Variants in PRRC2C observed in about 807,000 individuals in gnomAD.
The protein encoded by PRRC2C is proline rich coiled-coil 2C, also known as protein PRRC2C.
Under a neutral mutation model 317.2 loss-of-function variants are expected in PRRC2C, and 72 were observed. The ratio of observed to expected loss-of-function variants is 0.23; its 90% CI spans 0.19 to 0.28. PRRC2C has a LOEUF of 0.28. Among genes scored for constraint, PRRC2C ranks in the 10% least tolerant of loss-of-function variants. The pLI is 1.00. For synonymous variants in PRRC2C, 1,296 were observed against 1,205.9 expected (o/e 1.07, Z -1.55); for missense variants, 3,074 against 3,459.7 (o/e 0.89, Z 2.80).
intron 1 of PRRC2C, among the ~76,000 whole-genome samples, chr1:171,494,850 C>G (rs535763847): frequency 2.0e-5 from 3 of 151,804 alleles, no homozygotes; most frequent in South Asian, 4.2e-4. Flanking sequence ...AAACAAAGCT[C>G]TGGGCCTGGG....
intron 23 of PRRC2C, among the ~76,000 whole-genome samples, chr1:171,570,044 C>T (rs963266536): frequency 5.9e-5 from 9 of 152,034 alleles, no homozygotes; most frequent in Non-Finnish European, 1.3e-4. Context: ...AGTCTGCATG[C>T]AGTTGTTAGC....
At chr1:171,518,006 C>G (rs577765686) in intron 6 of PRRC2C, among the ~76,000 whole-genome samples, 192 bp downstream of exon 6, 1 of 152,312 alleles carries the variant, frequency 6.6e-6, no homozygotes, top group African/African-American at 2.4e-5. Context: ...AGATAGAGAT[C>G]ATTTGGGCTA....
At chr1:171,523,189 T>C (rs1364971036) in intron 7 of PRRC2C, 32 bp from the exon 8 acceptor site, 2 of 1,566,964 alleles carry the variant, frequency 1.3e-6, no homozygotes, top group Admixed American at 2.1e-5. Flanking sequence ...TCATAAACTT[T>C]TGTATCTTTT....
chr1:171,568,601 A>T (rs1684123195), intron 23 of PRRC2C, among the ~76,000 whole-genome samples: 1 of 152,190 alleles, frequency 6.6e-6, no homozygotes, highest in African/African-American at 2.4e-5. Flanking sequence ...TGTAAATACT[A>T]ATCTTATTAA....
intron 5 of PRRC2C, among the ~76,000 whole-genome samples, chr1:171,516,556 GA>G (rs1672404942): frequency 6.6e-6 from 1 of 152,196 alleles, no homozygotes; most frequent in Non-Finnish European, 1.5e-5. Flanking sequence ...ATTAGAAATA[GA>G]TGTGCTGACT....
intron 28 of PRRC2C, among the ~76,000 whole-genome samples, chr1:171,580,972 A>C (rs1648434810): frequency 6.6e-6 from 1 of 152,234 alleles, no homozygotes; most frequent in Non-Finnish European, 1.5e-5. Flanking sequence ...TACCATAATG[A>C]TACTCCTAGA....
intron 11 of PRRC2C, among the ~76,000 whole-genome samples, chr1:171,531,120 G>T (rs1195379148): frequency 6.6e-6 from 1 of 152,120 alleles, no homozygotes; most frequent in Non-Finnish European, 1.5e-5. Flanking sequence ...GCACAAAAGA[G>T]AATATAATTT....
At chr1:171,525,353 TAGTG>T (rs1171460776) in intron 10 of PRRC2C, among the ~76,000 whole-genome samples, 2 of 152,176 alleles carry the variant, frequency 1.3e-5, no homozygotes, top group Non-Finnish European at 2.9e-5. Flanking sequence ...GGAAATCACA[TAGTG>T]AGTAGGGAGA....
At position 171,557,500 on chromosome 1, in the gene PRRC2C, G is replaced by A. The variant is rs541162980; in HGVS notation, c.5388G>A (p.Leu1796=). 2.6e-6 allele frequency: 4 copies of A among 1,550,486 alleles called. No homozygotes were observed. In the East Asian group the frequency reaches 9.8e-5, roughly 38 times the overall value. Residue 1796 remains leucine (L), a synonymous_variant, in exon 19 of 35, where the codon CTG becomes CTA. Transcript: ENST00000647382. ...CAGCCTCAACTTTAGCTCCAGTTCTGGCCTCAACCTCAGCTCCAGTTCCAG... is the reference window on the plus strand; with the variant it reads ...CAGCCTCAACTTTAGCTCCAGTTCTAGCCTCAACCTCAGCTCCAGTTCCAG... ...PVPASTLAPV[L]ASTSAPVPAS...
At position 171,589,510 on chromosome 1, in the gene PRRC2C, C is replaced by G. The variant is rs1030538758; in HGVS notation, c.8341C>G (p.Arg2781Gly). ...PLTTGLMSHARLPHVARGPCG... is the reference protein window; with the variant it reads ...PLTTGLMSHAGLPHVARGPCG... Reference sequence around the variant, plus strand: ...GACCACAGGCCTCATGAGCCATGCTCGTTTGCCACATGTAGCCAGGGGTCC... The same window carrying G: ...GACCACAGGCCTCATGAGCCATGCTGGTTTGCCACATGTAGCCAGGGGTCC... The change falls in exon 34 of 35, where the codon CGT (arginine) becomes GGT (glycine). Residue 2781 changes from arginine to glycine, a missense_variant. By Grantham distance (125) the Arg-to-Gly change is moderately radical. Coordinates refer to ENST00000647382, the MANE Select transcript of PRRC2C (RefSeq NM_001387844.1). 7.8e-7 allele frequency: 1 copy of G among 1,289,638 alleles called. No individual in the cohort carries two copies. The highest frequency in any genetic ancestry group is 2.3e-5 in the Admixed American group (1 of 43,546). The allele number at this position is 1,289,638 out of a possible 1,614,324, so 79.9% of individuals were successfully genotyped here. A position where few individuals can be genotyped will look rare whatever the true frequency, so the allele number is the denominator to read the frequency against.
chr1:171,532,215 A>G (rs1676022251), intron 11 of PRRC2C, 128 bp from the exon 12 acceptor site: 6 of 976,532 alleles, frequency 6.1e-6, no homozygotes, highest in Non-Finnish European at 8.8e-6. Flanking sequence ...ATGTGTTTTC[A>G]TTTTAATGTG....
At position 171,540,291 on chromosome 1, in the gene PRRC2C, G is replaced by A. The variant is rs1267925194; in HGVS notation, c.2825G>A (p.Ser942Asn). ...NHTQKPDEQR[S>N]EPSAGIPKVT... ...ACGCAAAAACCAGACGAGCAGAGAAGTGAACCATCTGCAGGCATTCCTAAA... is the reference window on the plus strand; with the variant it reads ...ACGCAAAAACCAGACGAGCAGAGAAATGAACCATCTGCAGGCATTCCTAAA... Residue 942 changes from serine (S) to asparagine (N), a missense_variant, in exon 16 of 35, where the codon AGT becomes AAT. By Grantham distance (46) the Ser-to-Asn change is conservative. Around this residue, in one of 11 missense-constraint regions of PRRC2C, gnomAD observed 1,320 missense variants for 1,395.7 expected, o/e 0.95. Transcript: ENST00000647382. 2 of 1,613,680 alleles carry A rather than the reference G, an allele frequency of 1.2e-6. No individual in the cohort carries two copies. The highest frequency in any genetic ancestry group is 1.7e-6 in the Non-Finnish European group (2 of 1,179,868).
rs1182876649 is a variant in PRRC2C at position 171,523,856 on chromosome 1, T to C, written c.1055+334T>C. On this transcript the variant is annotated intron_variant, in intron 9 of 34. Coordinates refer to ENST00000647382, the MANE Select transcript of PRRC2C (RefSeq NM_001387844.1). ...TTCGAGACCAGCTTGGCCAACATGG[T>C]GAAACCCCATCTCTACTAAAAATAC... Among the ~76,000 whole-genome samples the C allele has an allele frequency of 3.3e-5, 5 of 151,990 alleles. 1 individual carries two copies. The highest frequency in any genetic ancestry group is 5.9e-5 in the Non-Finnish European group (4 of 67,992).
chr1:171,569,592 A>ATATATATATATATATATATC (rs1464620251), intron 23 of PRRC2C, among the ~76,000 whole-genome samples: 7 of 130,900 alleles, frequency 5.3e-5, no homozygotes, highest in East Asian at 2.3e-4. Flanking sequence ...ATATATATAT[A>ATATATATATATATATATATC]TGGTTTTTTT....
At chr1:171,512,499 C>A (rs1482376056) in intron 2 of PRRC2C, 11 of 305,192 alleles carry the variant, frequency 3.6e-5, no homozygotes, top group Middle Eastern at 2.4e-3. Context: ...TAGGCACAGA[C>A]CTATATATTA....
chr1:171,569,424 GA>G (rs532694028), intron 23 of PRRC2C, among the ~76,000 whole-genome samples: 8 of 151,146 alleles, frequency 5.3e-5, no homozygotes, highest in Non-Finnish European at 1.2e-4. Context: ...TAGTTCAGCT[GA>G]AGGACTGTAC....
intron 20 of PRRC2C, among the ~76,000 whole-genome samples, chr1:171,563,244 CAT>C (rs1683029170): frequency 6.6e-6 from 1 of 152,172 alleles, no homozygotes; most frequent in African/African-American, 2.4e-5. Flanking sequence ...GCTCAAGTCT[CAT>C]ATAAAATGAA....
chr1:171,559,509 G>GTTTTTT (rs869093669), intron 19 of PRRC2C, among the ~76,000 whole-genome samples: 1 of 33,758 alleles, frequency 3.0e-5, no homozygotes, highest in Non-Finnish European at 6.1e-5. Context: ...TACCAAGTTT[G>GTTTTTT]TTTTTTTTTT....
At chr1:171,565,610 G>C (rs1412470039) in intron 20 of PRRC2C, among the ~76,000 whole-genome samples, 23 of 152,098 alleles carry the variant, frequency 1.5e-4, no homozygotes. Context: ...ACCAAGCCCT[G>C]CTAGTTTTTG....
Sources: gnomAD v4.1 joint callset for allele counts (sites outside exome capture counted in the v4.1 genomes callset) on GRCh38, gnomAD v4.1.1 for gene constraint, gnomAD v4.1.1 regional missense constraint, MANE v1.5 for transcripts, NCBI Gene and HGNC (gene_info 2026-07-23, HGNC 2026-07-21) for gene names.